The following BRD3 variants were observed in gnomAD, a reference collection of about 807,000 sequenced individuals.
The protein encoded by BRD3 is bromodomain-containing protein 3.
Under a neutral mutation model 66.8 loss-of-function variants are expected in BRD3, and 17 were observed. The ratio of observed to expected loss-of-function variants is 0.25; its 90% CI spans 0.17 to 0.38. The LOEUF (loss-of-function observed/expected upper bound fraction) is 0.38, where lower values mean the gene tolerates loss of function less well. BRD3 is among the 10% of genes least tolerant of loss of function. The pLI is 1.00. For missense variants in BRD3, 713 were observed against 956.1 expected (o/e 0.75, Z 3.35); for synonymous variants, 421 against 393.2 (o/e 1.07, Z -0.84).
intron 2 of BRD3, 129 bp downstream of exon 2, chr9:134,053,136 A>G (rs559404144): frequency 3.8e-6 from 4 of 1,047,564 alleles, no homozygotes; most frequent in Admixed American, 3.9e-5. Context: ...TTCCTGAGGC[A>G]CAGGCTGTCC....
intron 1 of BRD3, among the ~76,000 whole-genome samples, chr9:134,060,881 T>C (rs1364222753): frequency 6.6e-6 from 1 of 152,220 alleles, no homozygotes; most frequent in African/African-American, 2.4e-5. Context: ...GTCCCTGGAC[T>C]CTGCCTTCCT....
At chr9:134,036,628 G>T in intron 9 of BRD3, 2 of 1,425,478 alleles carry the variant, frequency 1.4e-6, no homozygotes, top group Non-Finnish European at 9.9e-7. Flanking sequence ...CAAAAAAGGG[G>T]GAACAAAGGA....
At chr9:134,037,429 G>C (rs1353601946) in intron 9 of BRD3, among the ~76,000 whole-genome samples, 1 of 152,154 alleles carries the variant, frequency 6.6e-6, no homozygotes, top group African/African-American at 2.4e-5. Flanking sequence ...AAATGAGCCA[G>C]GCACGGTGGC....
chr9:134,063,019 G>A (rs1830577137), intron 1 of BRD3, among the ~76,000 whole-genome samples: 1 of 152,148 alleles, frequency 6.6e-6, no homozygotes, highest in African/African-American at 2.4e-5. Context: ...CAGCCGGCCT[G>A]ACAAGAACCA....
intron 10 of BRD3, 53 bp downstream of exon 10, chr9:134,035,979 G>C: frequency 6.5e-7 from 1 of 1,548,204 alleles, no homozygotes; most frequent in Non-Finnish European, 8.7e-7. Flanking sequence ...AGGAGGGGCA[G>C]GCCAAGGAGG....
intron 1 of BRD3, among the ~76,000 whole-genome samples, chr9:134,063,992 C>G (rs938159502): frequency 6.6e-6 from 1 of 152,210 alleles, no homozygotes; most frequent in Non-Finnish European, 1.5e-5. Flanking sequence ...ATGTTCCACG[C>G]CCCATCTTCC....
intron 9 of BRD3, chr9:134,036,658 A>C: frequency 2.4e-6 from 3 of 1,224,732 alleles, no homozygotes; most frequent in Middle Eastern, 3.7e-4. Flanking sequence ...ACAGAGGAAA[A>C]AGAAAATAAT....
intron 1 of BRD3, chr9:134,053,870 T>C (rs1830356793): frequency 4.4e-6 from 1 of 229,218 alleles, no homozygotes; most frequent in South Asian, 1.2e-4. Flanking sequence ...TGCTCCCAGG[T>C]GGGGGCTTGG....
intron 1 of BRD3, among the ~76,000 whole-genome samples, chr9:134,055,580 G>A (rs779324230): frequency 2.0e-5 from 3 of 152,184 alleles, no homozygotes; most frequent in Non-Finnish European, 2.9e-5. Context: ...GAGAGCTCAC[G>A]CCAGTTATGG....
In BRD3 at chr9:134,051,847, A is replaced by ATGTG. The variant is rs752502651; in HGVS notation, c.352-142_352-139dup. ...GCGCAGGAGAGAACAAAATGAATAT[A>ATGTG]TGTGTGTGTGTGTGTGTGTGTGTGT... On this transcript the variant is annotated intron_variant, in intron 3 of 11. Transcript: ENST00000303407. 9.8e-4 allele frequency: 504 copies of ATGTG among 516,824 alleles called. 11 individuals carry two copies. The highest frequency in any genetic ancestry group is 1.8e-3 in the East Asian group (34 of 19,006). 32.0% of individuals were successfully genotyped at this position (516,824 alleles called of 1,614,324 possible).
At position 134,048,292 on chromosome 9, in the gene BRD3, G is replaced by A. The variant is rs896407946; in HGVS notation, c.877C>T (p.Leu293=). 15 of 1,605,006 alleles carry A rather than the reference G, an allele frequency of 9.3e-6. No individual in the cohort carries two copies. Among genetic ancestry groups the A allele is most frequent in the African/African-American group, 2.7e-5 (2 of 74,918 alleles). Reference sequence around the variant, plus strand: ...TGCTGGGGCACCTCGCCGTCCTCCAGGTCCTTCTTGGGAGGCTTGATGGGG... The same window carrying A: ...TGCTGGGGCACCTCGCCGTCCTCCAAGTCCTTCTTGGGAGGCTTGATGGGG... The part of the protein sequence containing the change: ...GRPIKPPKKD[L]EDGEVPQHAG... Residue 293 remains leucine, a synonymous_variant, in exon 6 of 12, where the codon CTG becomes TTG. Transcript: ENST00000303407.
rs866083979 is a variant in BRD3 at position 134,048,584 on chromosome 9, C to T, written c.715-130G>A. On this transcript the variant is annotated intron_variant, in intron 5 of 11. Coordinates refer to ENST00000303407, the MANE Select transcript of BRD3 (RefSeq NM_007371.4). The stretch of plus-strand genomic sequence containing the variant: ...CTAAGCGGCCACATGCACGGCCCCA[C>T]AGGAGAGGACACCAAGGCTCAGGGG... The T allele has an allele frequency of 3.9e-5, 54 of 1,377,016 alleles. No homozygotes were observed. The Middle Eastern group carries it at 9.3e-4, about 24-fold the overall frequency. The allele number at this position is 1,377,016 out of a possible 1,614,324, so 85.3% of individuals were successfully genotyped here.
rs201355820 is a variant in BRD3 at position 134,053,449 on chromosome 9, G to A, written c.29C>T (p.Ala10Val). 4.4e-5 allele frequency: 70 copies of A among 1,606,888 alleles called. 1 individual carries two copies. In the East Asian group the frequency reaches 7.1e-4, roughly 16 times the overall value. MSTATTVAPAGIPATPGPVN... is the reference protein window; with the variant it reads MSTATTVAPVGIPATPGPVN... Reference sequence around the variant, plus strand: ...AGGGCCCGGGGTCGCCGGGATCCCCGCGGGGGCGACTGTCGTGGCGGTGGA... The same window carrying A: ...AGGGCCCGGGGTCGCCGGGATCCCCACGGGGGCGACTGTCGTGGCGGTGGA... The change falls in exon 2 of 12, where the codon GCG becomes GTG. Residue 10 changes from alanine (A) to valine (V), a missense_variant. This residue lies in a region of BRD3 where 48 missense variants were observed against 42.5 expected (regional missense o/e 1.13). Transcript: ENST00000303407.
chr9:134,065,693 C>T (rs1338977929), intron 1 of BRD3, among the ~76,000 whole-genome samples: 1 of 152,170 alleles, frequency 6.6e-6, no homozygotes, highest in Non-Finnish European at 1.5e-5. Context: ...TTCCCATCGA[C>T]AACTGGGCAT....
rs1219642589 is a variant in BRD3, at chr9:134,067,991, G to C, written c.-160C>G. ...CCGTCCCCTCCCGGCCCGCGCGGCCGGCTCCTCTTTGGCTCGCCGGCCCCG... is the reference window on the plus strand; with the variant it reads ...CCGTCCCCTCCCGGCCCGCGCGGCCCGCTCCTCTTTGGCTCGCCGGCCCCG... On this transcript the variant is annotated 5_prime_UTR_variant, in exon 1 of 12. Coordinates refer to ENST00000303407, the MANE Select transcript of BRD3 (RefSeq NM_007371.4). 3 of 140,146 alleles carry C rather than the reference G, an allele frequency of 2.1e-5. No homozygotes were observed. Among genetic ancestry groups the C allele is most frequent in the Non-Finnish European group, 3.1e-5 (2 of 63,612 alleles). The allele number at this position is 140,146 out of a possible 1,614,324, so 8.7% of individuals were successfully genotyped here.
chr9:134,045,717 C>T lies in BRD3; in HGVS notation c.1087-296G>A, dbSNP rs1208691081. On this transcript the variant is annotated intron_variant, in intron 6 of 11. Transcript: ENST00000303407. The surrounding 1 kb of genome is among the most constrained non-coding windows in gnomAD (Gnocchi z 4.8). ...AGAAATCCCAGGTTCCCGTAGGCGT[C>T]CCTTGGCCCCTTCCTTGTCCAGAGC... Among the ~76,000 whole-genome samples the T allele has an allele frequency of 3.3e-5, 5 of 152,176 alleles. No individual in the cohort carries two copies. The highest frequency in any genetic ancestry group is 1.2e-4 in the African/African-American group (5 of 41,434).
At chr9:134,038,538 C>G (rs1829976235) in intron 9 of BRD3, among the ~76,000 whole-genome samples, 1 of 152,180 alleles carries the variant, frequency 6.6e-6, no homozygotes, top group Non-Finnish European at 1.5e-5. Flanking sequence ...GATCCTCCTG[C>G]CTGGCCCTCC....
intron 1 of BRD3, among the ~76,000 whole-genome samples, chr9:134,061,315 G>T (rs1830540015): frequency 6.6e-6 from 1 of 152,218 alleles, no homozygotes; most frequent in Admixed American, 6.5e-5. Flanking sequence ...TCCTTATTTG[G>T]GGTCCAGGGA....
chr9:134,065,082 A>T lies in BRD3; in HGVS notation c.-114+2863T>A, dbSNP rs116197012. On this transcript the variant is annotated intron_variant, in intron 1 of 11. Transcript: ENST00000303407. The stretch of plus-strand genomic sequence containing the variant: ...GCAAGAAGCCTTGCATTCTACCATG[A>T]TTCATCCAGTTACCTTCTAGCTTCA... Among the ~76,000 whole-genome samples, 773 of 152,332 alleles carry T rather than the reference A, an allele frequency of 5.1e-3. 9 individuals are homozygous for T. Among genetic ancestry groups the T allele is most frequent in the African/African-American group, 0.018 (743 of 41,570 alleles).
Sources: allele counts gnomAD v4.1 joint callset (sites outside exome capture counted in the v4.1 genomes callset), GRCh38; gene constraint gnomAD v4.1.1; regional missense constraint gnomAD v4.1.1; non-coding constraint Gnocchi (gnomAD v3.1); transcripts MANE v1.5; gene names NCBI Gene and HGNC (gene_info 2026-07-23, HGNC 2026-07-21).